ADAMTS6: variants seen among roughly 807,000 people sequenced by gnomAD.
The protein encoded by ADAMTS6 is A disintegrin and metalloproteinase with thrombospondin motifs 6.
A neutral mutation model predicts 144.3 loss-of-function variants in ADAMTS6; 23 were observed. The observed-to-expected ratio is 0.16, with a 90% CI of 0.11 to 0.23. The LOEUF is 0.23. Among genes scored for constraint, ADAMTS6 ranks in the 10% least tolerant of loss-of-function variants. The pLI is 1.00. For missense variants in ADAMTS6, 999 were observed against 1,379.6 expected (o/e 0.72, Z 4.37); for synonymous variants, 444 against 457.5 (o/e 0.97, Z 0.38).
intron 10 of ADAMTS6, among the ~76,000 whole-genome samples, chr5:65,296,075 T>C (rs985569545): frequency 6.6e-6 from 1 of 152,128 alleles, no homozygotes; most frequent in African/African-American, 2.4e-5. Flanking sequence ...TACCATAAAA[T>C]ATGAATTTTA....
At chr5:65,387,390 T>G (rs1345770292) in intron 7 of ADAMTS6, among the ~76,000 whole-genome samples, 1 of 152,212 alleles carries the variant, frequency 6.6e-6, no homozygotes, top group African/African-American at 2.4e-5. Flanking sequence ...TTTTTAAAAT[T>G]TTGTAATTCT....
At chr5:65,312,748 C>G (rs937723182) in intron 9 of ADAMTS6, among the ~76,000 whole-genome samples, 4 of 151,988 alleles carry the variant, frequency 2.6e-5, no homozygotes, top group Non-Finnish European at 5.9e-5. Flanking sequence ...TTATTTATAT[C>G]TTTTCTGCTA....
At chr5:65,448,408 C>A (rs1414228967) in intron 7 of ADAMTS6, among the ~76,000 whole-genome samples, 1 of 151,690 alleles carries the variant, frequency 6.6e-6, no homozygotes, top group African/African-American at 2.4e-5. Context: ...CCTTTGAGTC[C>A]CTGGGACAAA....
At position 65,300,211 on chromosome 5, in the gene ADAMTS6, T is replaced by C. The variant is rs192982561; in HGVS notation, c.1224-80A>G. On this transcript the variant is annotated intron_variant, in intron 9 of 24. Coordinates refer to ENST00000381055, the MANE Select transcript of ADAMTS6 (RefSeq NM_197941.4). ...CATCCCTTATTTCCTTATTTGGCCATTTATTAGCCTTATCAACATATGCCT... is the reference window on the plus strand; with the variant it reads ...CATCCCTTATTTCCTTATTTGGCCACTTATTAGCCTTATCAACATATGCCT... 2,504 of 1,350,046 alleles carry C rather than the reference T, an allele frequency of 1.9e-3. 9 individuals are homozygous for C. The highest frequency in any genetic ancestry group is 2.4e-3 in the Non-Finnish European group (2,300 of 976,712). 83.6% of individuals were successfully genotyped at this position (1,350,046 alleles called of 1,614,324 possible).
chr5:65,162,383 A>T (rs1752830601), intron 24 of ADAMTS6, among the ~76,000 whole-genome samples: 1 of 152,192 alleles, frequency 6.6e-6, no homozygotes. Flanking sequence ...TTTACTTCAA[A>T]ATCAGAAACT....
intron 9 of ADAMTS6, among the ~76,000 whole-genome samples, chr5:65,302,250 CATT>C (rs1192911662): frequency 7.8e-5 from 11 of 140,578 alleles, no homozygotes; most frequent in East Asian, 3.9e-4. Context: ...TATACATATA[CATT>C]ATTATATATT....
chr5:65,451,115 AC>A lies in ADAMTS6; in HGVS notation c.1073+359del, dbSNP rs1222770761. Among the ~76,000 whole-genome samples, 14 of 152,268 alleles carry A rather than the reference AC, an allele frequency of 9.2e-5. No homozygotes were observed. The East Asian group carries it at 1.5e-3, about 17-fold the overall frequency. On this transcript the variant is annotated intron_variant, in intron 7 of 24. Coordinates refer to ENST00000381055, the MANE Select transcript of ADAMTS6 (RefSeq NM_197941.4). ...ATATATTTTATAACTGATAATGGTC[AC>A]TTTATTTTTAAGATATGTATTTTCT...
intron 7 of ADAMTS6, among the ~76,000 whole-genome samples, chr5:65,369,480 A>T (rs1045424327): frequency 2.0e-5 from 3 of 152,122 alleles, no homozygotes; most frequent in Non-Finnish European, 4.4e-5. Context: ...TTGGCTGGGC[A>T]TTCACATCTT....
chr5:65,288,749 A>G (rs1336440410), intron 11 of ADAMTS6, among the ~76,000 whole-genome samples: 1 of 152,218 alleles, frequency 6.6e-6, no homozygotes, highest in East Asian at 1.9e-4. Flanking sequence ...CTAAGTCTAC[A>G]GCAACTGTAT....
rs778002621 is a variant in ADAMTS6, at chr5:65,291,432, T to G, written c.1409A>C (p.Lys470Thr). Residue 470 changes from lysine to threonine, a missense_variant, in exon 11 of 25, where the codon AAG becomes ACG. Physicochemically the swap from Lys to Thr is moderately conservative, Grantham distance 78. This residue lies in a region of ADAMTS6 where 619 missense variants were observed against 837.0 expected (regional missense o/e 0.74). Coordinates refer to ENST00000381055, the MANE Select transcript of ADAMTS6 (RefSeq NM_197941.4). ...RGTCLDNEPP[K>T]RDFLYPAVAP... ...CACAGCTGGATAAAGAAAGTCACGC[T>G]TGGGAGGCTCATTATCAAGGCAAGT... 1 of 1,613,980 alleles carries G rather than the reference T, an allele frequency of 6.2e-7. No individual in the cohort carries two copies. The highest frequency in any genetic ancestry group is 1.1e-5 in the South Asian group (1 of 91,058).
chr5:65,328,377 A>G (rs1413498307), intron 9 of ADAMTS6, among the ~76,000 whole-genome samples: 5 of 152,108 alleles, frequency 3.3e-5, no homozygotes, highest in African/African-American at 4.8e-5. Context: ...TATAAAACTT[A>G]AATTCTACAA....
At chr5:65,439,428 T>C (rs1473357983) in intron 7 of ADAMTS6, among the ~76,000 whole-genome samples, 2 of 152,152 alleles carry the variant, frequency 1.3e-5, no homozygotes, top group South Asian at 2.1e-4. Flanking sequence ...CAGTATCAAA[T>C]GTCTTATGAT....
intron 12 of ADAMTS6, among the ~76,000 whole-genome samples, chr5:65,266,051 A>G (rs1475669944): frequency 1.3e-5 from 2 of 151,938 alleles, no homozygotes; most frequent in East Asian, 3.9e-4. Flanking sequence ...GTATATACCT[A>G]TGATTTGTAG....
At chr5:65,219,530 A>C (rs947023171) in intron 18 of ADAMTS6, among the ~76,000 whole-genome samples, 6 of 152,224 alleles carry the variant, frequency 3.9e-5, no homozygotes, top group Non-Finnish European at 5.9e-5. Flanking sequence ...TGATCAGAAG[A>C]CAGCTGGGGT....
At chr5:65,435,105 G>A (rs1757289682) in intron 7 of ADAMTS6, among the ~76,000 whole-genome samples, 1 of 152,004 alleles carries the variant, frequency 6.6e-6, no homozygotes, top group Non-Finnish European at 1.5e-5. Context: ...AATTAGAAAG[G>A]ATAACTGCAG....
At chr5:65,176,330 A>C (rs935188592) in intron 22 of ADAMTS6, among the ~76,000 whole-genome samples, 39 of 152,360 alleles carry the variant, frequency 2.6e-4, no homozygotes, top group African/African-American at 9.4e-4. Flanking sequence ...TTTAAAAGTA[A>C]CTAGGCCTCC....
intron 9 of ADAMTS6, among the ~76,000 whole-genome samples, chr5:65,302,142 T>G (rs1185478653): frequency 1.4e-5 from 2 of 143,968 alleles, no homozygotes; most frequent in Non-Finnish European, 3.0e-5. Flanking sequence ...ACATATAATA[T>G]ATATTTACAT....
intron 3 of ADAMTS6, among the ~76,000 whole-genome samples, chr5:65,468,652 T>G (rs1466245592): frequency 6.6e-6 from 1 of 152,088 alleles, no homozygotes; most frequent in Non-Finnish European, 1.5e-5. Flanking sequence ...AGAGACGAAG[T>G]AAAATAGGTG....
At chr5:65,273,743 GA>G (rs996471517) in intron 11 of ADAMTS6, among the ~76,000 whole-genome samples, 2 of 151,676 alleles carry the variant, frequency 1.3e-5, no homozygotes, top group African/African-American at 2.4e-5. Flanking sequence ...TGAATAGGGA[GA>G]AAAAAATGAC....
Sources: allele counts gnomAD v4.1 joint callset (sites outside exome capture counted in the v4.1 genomes callset), GRCh38; gene constraint gnomAD v4.1.1; regional missense constraint gnomAD v4.1.1; transcripts MANE v1.5; gene names NCBI Gene and HGNC (gene_info 2026-07-23, HGNC 2026-07-21).